The following SPON1 variants were observed in gnomAD, a reference collection of about 807,000 sequenced individuals.
SPON1 encodes the protein spondin-1.
A neutral mutation model predicts 111.7 loss-of-function variants in SPON1; 52 were observed. That is an observed-to-expected ratio of 0.47 (90% CI 0.37 to 0.59). SPON1 has a LOEUF of 0.59. Ranked by LOEUF, SPON1 falls within the 20% of genes least tolerant of loss-of-function variation. The pLI, the probability that SPON1 is intolerant of heterozygous loss-of-function variation, is 0.00. For synonymous variants in SPON1, 410 were observed against 395.8 expected, an observed-to-expected ratio of 1.04 and a Z score of -0.43; for missense variants, 957 against 1,068.5, an observed-to-expected ratio of 0.90 and a Z score of 1.46.
At chr11:14,016,022 A>G (rs782209766) in intron 2 of SPON1, among the ~76,000 whole-genome samples, 91 of 152,198 alleles carry the variant, frequency 6.0e-4, no homozygotes, top group Non-Finnish European at 1.1e-3. Flanking sequence ...TTGATGACTT[A>G]TTCTCTGGAG....
intron 3 of SPON1, among the ~76,000 whole-genome samples, chr11:14,052,280 T>C (rs190908699): frequency 6.6e-6 from 1 of 152,362 alleles, no homozygotes; most frequent in African/African-American, 2.4e-5. Flanking sequence ...CATAATACTT[T>C]GTAATTTCGT....
At position 14,191,002 on chromosome 11, in the gene SPON1, ATCACTTGGT is replaced by A. The variant is rs1554934503; in HGVS notation, c.826-52329_826-52321del. Among the ~76,000 whole-genome samples the A allele has an allele frequency of 1.2e-3, 183 of 151,968 alleles. 2 individuals are homozygous for A. The highest frequency in any genetic ancestry group is 3.9e-3 in the African/African-American group (160 of 41,246). ...AAAAGAAAAAAGCACTTACAATCCC[ATCACTTGGT>A]ATATAAAGAATAAAAAAGAGCATTG... On this transcript the variant is annotated intron_variant, in intron 6 of 15. Transcript: ENST00000576479.
rs1849153104 is a variant in SPON1 at position 14,259,824 on chromosome 11, TTGCTGGGCAC to T, written c.1831+131_1831+140del. On this transcript the variant is annotated intron_variant, in intron 13 of 15. Transcript: ENST00000576479. This position sits in a 1 kb window ranked among gnomAD's most constrained non-coding sequence, Gnocchi z 5.0. ...CAGAGGAAAGCATGGCCCATGGTCC[TTGCTGGGCAC>T]TGCTGGGAGCCAGATGAGAGACATA... 1.8e-6 allele frequency: 2 copies of T among 1,124,270 alleles called. No homozygotes were observed. Among genetic ancestry groups the T allele is most frequent in the Non-Finnish European group, 2.5e-6 (2 of 795,748 alleles). The allele number at this position is 1,124,270 out of a possible 1,614,324, so 69.6% of individuals were successfully genotyped here.
rs782174367 is a variant in SPON1 at position 13,962,977 on chromosome 11, G to A, written c.73G>A (p.Ala25Thr). 1.3e-6 allele frequency: 2 copies of A among 1,594,036 alleles called. No individual in the cohort carries two copies. Among genetic ancestry groups the A allele is most frequent in the African/African-American group, 2.7e-5 (2 of 73,948 alleles). ...ALLALALPLA[A>T]ALAFSDETLD... ...GCTGGCCCTGGCGCTGCCCCTGGCC[G>A]CGGCGCTGGCCTTCTCCGACGAGAC... is the stretch of plus-strand genomic sequence containing the variant. The change falls in exon 1 of 16, where the codon GCG becomes ACG. Residue 25 changes from alanine to threonine, a missense_variant. Physicochemically the swap from Ala to Thr is moderately conservative, Grantham distance 58. Coordinates refer to ENST00000576479, the MANE Select transcript of SPON1 (RefSeq NM_006108.4).
intron 6 of SPON1, among the ~76,000 whole-genome samples, chr11:14,170,689 A>G (rs868906956): frequency 1.3e-5 from 2 of 152,126 alleles, no homozygotes; most frequent in Non-Finnish European, 2.9e-5. Context: ...TAATTTATTG[A>G]GAGTTTTTAG....
At chr11:14,102,859 G>A (rs1445755666) in intron 5 of SPON1, among the ~76,000 whole-genome samples, 1 of 152,068 alleles carries the variant, frequency 6.6e-6, no homozygotes, top group African/African-American at 2.4e-5. Context: ...TCTATTTCTT[G>A]TTCTTGCTTC....
At chr11:13,981,067 C>T (rs1167457190) in intron 1 of SPON1, among the ~76,000 whole-genome samples, 2 of 152,146 alleles carry the variant, frequency 1.3e-5, no homozygotes, top group Non-Finnish European at 1.5e-5. Flanking sequence ...CAATTTACAT[C>T]AATTTAAAGA....
chr11:14,084,676 A>G (rs2178244), intron 5 of SPON1, among the ~76,000 whole-genome samples: 103,892 of 152,090 alleles, frequency 0.68, 36,553 homozygotes, highest in East Asian at 0.85. Flanking sequence ...TAATAGGATC[A>G]CTAGGTCGAA....
At chr11:14,179,107 G>A (rs1288006596) in intron 6 of SPON1, among the ~76,000 whole-genome samples, 1 of 152,060 alleles carries the variant, frequency 6.6e-6, no homozygotes, top group Non-Finnish European at 1.5e-5. Context: ...CCTTTTTTCA[G>A]TTCATTGCAC....
intron 2 of SPON1, among the ~76,000 whole-genome samples, chr11:13,988,885 C>G (rs567483610): frequency 1.1e-4 from 16 of 152,176 alleles, no homozygotes; most frequent in African/African-American, 3.9e-4. Flanking sequence ...GCCTTGCATC[C>G]CAGGGATGAA....
At chr11:14,200,942 C>G (rs1848455680) in intron 6 of SPON1, among the ~76,000 whole-genome samples, 1 of 151,392 alleles carries the variant, frequency 6.6e-6, no homozygotes, top group Non-Finnish European at 1.5e-5. Context: ...GTGAAACAGA[C>G]CTGTGTTTGA....
At chr11:14,151,765 A>G (rs1847790764) in intron 6 of SPON1, among the ~76,000 whole-genome samples, 1 of 152,250 alleles carries the variant, frequency 6.6e-6, no homozygotes, top group Admixed American at 6.5e-5. Flanking sequence ...TCTTTAACAT[A>G]GAAATATACA....
At chr11:13,980,740 A>G (rs1314447773) in intron 1 of SPON1, among the ~76,000 whole-genome samples, 2 of 152,196 alleles carry the variant, frequency 1.3e-5, no homozygotes, top group Non-Finnish European at 2.9e-5. Flanking sequence ...TTGATTTTTT[A>G]AAGTTTAAAA....
At chr11:14,195,160 A>G (rs1554934938) in intron 6 of SPON1, among the ~76,000 whole-genome samples, 1 of 152,232 alleles carries the variant, frequency 6.6e-6, no homozygotes. Flanking sequence ...AAAAATCTCA[A>G]AAATAGCATG....
chr11:14,205,303 A>G (rs1262321462), intron 6 of SPON1, among the ~76,000 whole-genome samples: 1 of 152,182 alleles, frequency 6.6e-6, no homozygotes, highest in Non-Finnish European at 1.5e-5. Flanking sequence ...GCACACTCAT[A>G]GAATATAGAG....
Position 14,260,627 on chromosome 11 carries a change from G to A in SPON1, c.1871G>A (p.Ser624Asn). 6.2e-7 allele frequency: 1 copy of A among 1,613,984 alleles called. No individual in the cohort carries two copies. Among genetic ancestry groups the A allele is most frequent in the Non-Finnish European group, 8.5e-7 (1 of 1,179,878 alleles). The change falls in exon 14 of 16, where the codon AGT (serine) becomes AAT (asparagine). Residue 624 changes from serine (S) to asparagine (N), a missense_variant. By Grantham distance (46) the Ser-to-Asn change is conservative (BLOSUM62 1). This residue lies in a region of SPON1 where 549 missense variants were observed against 606.2 expected (regional missense o/e 0.91). Transcript: ENST00000576479. The stretch of plus-strand genomic sequence containing the variant: ...TTGCTGTCCCCATGGTCCGAGTGGA[G>A]TGACTGCAGCGTGACCTGCGGGAAG... ...PCLLSPWSEW[S>N]DCSVTCGKGM...
In SPON1 at chr11:14,256,620, G is replaced by A. The variant is rs781858351; in HGVS notation, c.1237G>A (p.Glu413Lys). The change falls in exon 10 of 16, where the codon GAA becomes AAA. Residue 413 changes from glutamate to lysine, a missense_variant. Physicochemically the swap from Glu to Lys is moderately conservative, Grantham distance 56. Coordinates refer to ENST00000576479, the MANE Select transcript of SPON1 (RefSeq NM_006108.4). ...VVIERIARKG[E>K]QCNIVPDNVD... is the part of the protein sequence containing the mutation. ...CCAAGTAAAATTCCTTTTTCAGGGT[G>A]AACAATGCAATATTGTACCTGACAA... The A allele has an allele frequency of 4.3e-6, 7 of 1,611,940 alleles. No individual in the cohort carries two copies. Among genetic ancestry groups the A allele is most frequent in the Non-Finnish European group, 5.9e-6 (7 of 1,178,790 alleles).
chr11:14,203,214 G>T (rs1554935844), intron 6 of SPON1, among the ~76,000 whole-genome samples: 1 of 152,200 alleles, frequency 6.6e-6, no homozygotes, highest in Non-Finnish European at 1.5e-5. Flanking sequence ...ATAGAAGCAA[G>T]ACCATGTTTC....
intron 2 of SPON1, among the ~76,000 whole-genome samples, chr11:14,005,669 A>G (rs782436333): frequency 2.0e-5 from 3 of 152,246 alleles, no homozygotes; most frequent in Non-Finnish European, 2.9e-5. Flanking sequence ...CAAATAATAA[A>G]GATGTCAAAG....
Sources: allele counts gnomAD v4.1 joint callset (sites outside exome capture counted in the v4.1 genomes callset), GRCh38; gene constraint gnomAD v4.1.1; regional missense constraint gnomAD v4.1.1; non-coding constraint Gnocchi (gnomAD v3.1); transcripts MANE v1.5; gene names NCBI Gene and HGNC (gene_info 2026-07-23, HGNC 2026-07-21).